The following RASA3 variants were observed in gnomAD, a reference collection of about 807,000 sequenced individuals.
RASA3 encodes RAS p21 protein activator 3, also known as ras GTPase-activating protein 3.
RASA3 carries 73 observed loss-of-function variants against 110.0 expected under a neutral mutation model. The observed-to-expected ratio is 0.66, with a 90% CI of 0.55 to 0.81. The LOEUF (loss-of-function observed/expected upper bound fraction) is 0.81. RASA3 is among the 30% of genes least tolerant of loss of function. RASA3 has a pLI of 0.00. For synonymous variants in RASA3, 500 were observed against 451.4 expected (o/e 1.11, Z -1.37); for missense variants, 976 against 1,113.2 (o/e 0.88, Z 1.75).
intron 1 of RASA3, among the ~76,000 whole-genome samples, chr13:114,121,244 T>A (rs549404664): frequency 1.2e-4 from 18 of 152,298 alleles, no homozygotes; most frequent in Non-Finnish European, 2.2e-4. Flanking sequence ...CGGACCCCCG[T>A]GCCCCAAACA....
intron 20 of RASA3, among the ~76,000 whole-genome samples, chr13:113,999,377 C>T (rs577339585): frequency 2.0e-5 from 3 of 152,236 alleles, no homozygotes; most frequent in South Asian, 4.1e-4. Context: ...CCGGTGACCC[C>T]GGGCACAGAG....
chr13:114,029,525 G>A (rs74677997), intron 5 of RASA3, among the ~76,000 whole-genome samples: 15 of 45,364 alleles, frequency 3.3e-4, no homozygotes, highest in South Asian at 1.8e-3. Flanking sequence ...CTAAAACGGC[G>A]TCATCCTGGG....
In RASA3 at chr13:114,057,871, A is replaced by T. The variant is rs967078539; in HGVS notation, c.174-5716T>A. On this transcript the variant is annotated intron_variant, in intron 2 of 23. Transcript: ENST00000334062. The surrounding 1 kb of genome is among the most constrained non-coding windows in gnomAD (Gnocchi z 5.0). ...TCCCTGGGGTGCGGGCTCGGCCTGCAGGATGGAGGCTGGAGAGCTGCCATC... is the reference window on the plus strand; with the variant it reads ...TCCCTGGGGTGCGGGCTCGGCCTGCTGGATGGAGGCTGGAGAGCTGCCATC... Among the ~76,000 whole-genome samples, 3 of 152,214 alleles carry T rather than the reference A, an allele frequency of 2.0e-5. No homozygotes were observed. The highest frequency in any genetic ancestry group is 2.9e-5 in the Non-Finnish European group (2 of 68,042).
chr13:114,071,671 A>G lies in RASA3; in HGVS notation c.173+2049T>C, dbSNP rs528571035. Among the ~76,000 whole-genome samples the G allele has an allele frequency of 2.0e-5, 3 of 152,260 alleles. No individual in the cohort carries two copies. In the South Asian group the frequency reaches 6.2e-4, roughly 32 times the overall value. On this transcript the variant is annotated intron_variant, in intron 2 of 23. Transcript: ENST00000334062. The stretch of plus-strand genomic sequence containing the variant: ...CCTCAGCCTGCAGTTCTTTTTGACG[A>G]GTTATTTCAAAGAACCCGGAGCGTG...
At chr13:114,064,790 A>G (rs2079417508) in intron 2 of RASA3, among the ~76,000 whole-genome samples, 2 of 152,234 alleles carry the variant, frequency 1.3e-5, no homozygotes, top group Non-Finnish European at 2.9e-5. Context: ...CGAGGTCAGC[A>G]GCAGTCAGAT....
In RASA3 at chr13:114,011,183, G is replaced by A. The variant is rs267603765; in HGVS notation, c.1578C>T (p.Ser526=). ...AAGAGGGACTCACAGATTTGGACTT[G>A]GACAGGCTGCCGAGGGTCTGAACGG... ...SKTVQTLGSL[S]KSKSASFKES... is the part of the protein sequence containing the mutation. Residue 526 remains serine (S), a synonymous_variant, in exon 16 of 24, where the codon TCC becomes TCT. Coordinates refer to ENST00000334062, the MANE Select transcript of RASA3 (RefSeq NM_007368.4). This position sits in a 1 kb window ranked among gnomAD's most constrained non-coding sequence, Gnocchi z 4.8. 3.7e-6 allele frequency: 6 copies of A among 1,611,914 alleles called. No homozygotes were observed. In the South Asian group the frequency reaches 5.5e-5, roughly 15 times the overall value.
Position 114,132,603 on chromosome 13 carries a change from C to T in RASA3, c.-114G>A. The T allele has an allele frequency of 1.1e-6, 1 of 895,708 alleles. No homozygotes were observed. Among genetic ancestry groups the T allele is most frequent in the Non-Finnish European group, 1.4e-6 (1 of 698,818 alleles). The allele number at this position is 895,708 out of a possible 1,614,324, so 55.5% of individuals were successfully genotyped here. On this transcript the variant is annotated 5_prime_UTR_variant, in exon 1 of 24. Coordinates refer to ENST00000334062, the MANE Select transcript of RASA3 (RefSeq NM_007368.4). ...GCCCCGAGCGCGGCCGAGGGTCCGC[C>T]CGCCTGCAAGACCGCCAGTTGGCCG...
In RASA3 at chr13:114,039,775, C is replaced by T. The variant is rs552809327; in HGVS notation, c.372+1225G>A. Reference sequence around the variant, plus strand: ...CGTGAGCAGCTGTGAACACAAGGGTCTGGGACATGGGCCCCAGCACTGGAG... The same window carrying T: ...CGTGAGCAGCTGTGAACACAAGGGTTTGGGACATGGGCCCCAGCACTGGAG... On this transcript the variant is annotated intron_variant, in intron 4 of 23. Coordinates refer to ENST00000334062, the MANE Select transcript of RASA3 (RefSeq NM_007368.4). 9.1e-4 allele frequency among the ~76,000 whole-genome samples: 139 copies of T among 152,346 alleles called. 1 individual carries two copies. The highest frequency in any genetic ancestry group is 8.3e-4 in the South Asian group (4 of 4,832).
intron 23 of RASA3, among the ~76,000 whole-genome samples, 169 bp from the exon 24 acceptor site, chr13:113,979,591 ACT>A (rs2052859928): frequency 6.6e-6 from 1 of 152,198 alleles, no homozygotes; most frequent in East Asian, 1.9e-4. Flanking sequence ...ACCCACGGTG[ACT>A]CTGATGTGTG....
chr13:114,063,968 G>C (rs1473969335), intron 2 of RASA3, among the ~76,000 whole-genome samples: 2 of 152,104 alleles, frequency 1.3e-5, no homozygotes, highest in East Asian at 3.8e-4. Flanking sequence ...GAAATGCTCT[G>C]GGCCTGTTTT....
chr13:114,108,958 G>C (rs929477968), intron 1 of RASA3: 2 of 152,326 alleles, frequency 1.3e-5, no homozygotes, highest in Non-Finnish European at 2.9e-5. Context: ...GGCTGCCGTG[G>C]GCTCCCGGCG....
chr13:114,076,512 C>T (rs776822070), intron 1 of RASA3, among the ~76,000 whole-genome samples: 25 of 151,434 alleles, frequency 1.7e-4, no homozygotes, highest in East Asian at 9.7e-4. Flanking sequence ...ACACACGCAG[C>T]GCACACACGC....
chr13:113,993,346 T>G (rs2053161173), intron 21 of RASA3, among the ~76,000 whole-genome samples: 1 of 152,030 alleles, frequency 6.6e-6, no homozygotes, highest in Non-Finnish European at 1.5e-5. Flanking sequence ...TGGCTAATTT[T>G]TGTATTTTTA....
intron 1 of RASA3, among the ~76,000 whole-genome samples, chr13:114,082,294 T>A (rs2079797715): frequency 6.6e-6 from 1 of 152,252 alleles, no homozygotes; most frequent in Non-Finnish European, 1.5e-5. Flanking sequence ...GCAGGTGCCC[T>A]GGTTTGCCTC....
At chr13:114,111,109 A>AT (rs199774843) in intron 1 of RASA3, among the ~76,000 whole-genome samples, 1 of 48,252 alleles carries the variant, frequency 2.1e-5, no homozygotes, top group Non-Finnish European at 4.1e-5. Flanking sequence ...TGAGCCACAA[A>AT]GAGCTGCAGG....
intron 21 of RASA3, 46 bp downstream of exon 21, chr13:113,996,485 C>T (rs745883503): frequency 6.4e-7 from 1 of 1,567,352 alleles, no homozygotes; most frequent in Non-Finnish European, 8.7e-7. Context: ...CCCTTGGCCA[C>T]ATTTCCTGCA....
chr13:113,978,973 C>T lies in RASA3; in HGVS notation c.*374G>A, dbSNP rs11552971. Reference sequence around the variant, plus strand: ...GCAAGACAGACGTGCACGAGACTGACGCACACACGGCCGGAGGTGCATGTC... The same window carrying T: ...GCAAGACAGACGTGCACGAGACTGATGCACACACGGCCGGAGGTGCATGTC... On this transcript the variant is annotated 3_prime_UTR_variant, in exon 24 of 24. Coordinates refer to ENST00000334062, the MANE Select transcript of RASA3 (RefSeq NM_007368.4). The T allele has an allele frequency of 0.32, 93,753 of 292,232 alleles. 16,239 individuals carry two copies. Among genetic ancestry groups the T allele is most frequent in the Non-Finnish European group, 0.36 (55,084 of 151,176 alleles). The allele number at this position is 292,232 out of a possible 1,614,324, so 18.1% of individuals were successfully genotyped here. A position where few individuals can be genotyped will look rare whatever the true frequency, so the allele number is the denominator to read the frequency against.
chr13:114,013,734 G>C (rs1461158586), intron 14 of RASA3, among the ~76,000 whole-genome samples: 6 of 38,270 alleles, frequency 1.6e-4, no homozygotes, highest in East Asian at 8.1e-4. Context: ...CCGTCCGTCT[G>C]TCTCTGGCTC....
At chr13:114,013,839 TCTCTCCATC>T (rs1307507668) in intron 14 of RASA3, among the ~76,000 whole-genome samples, 10 of 142,506 alleles carry the variant, frequency 7.0e-5, no homozygotes, top group African/African-American at 2.5e-4. Flanking sequence ...CGTCTGTCTC[TCTCTCCATC>T]TCTCTGTCTC....
Sources: allele counts gnomAD v4.1 joint callset (sites outside exome capture counted in the v4.1 genomes callset), GRCh38; gene constraint gnomAD v4.1.1; non-coding constraint Gnocchi (gnomAD v3.1); transcripts MANE v1.5; gene names NCBI Gene and HGNC (gene_info 2026-07-23, HGNC 2026-07-21).